POMGNT2: variants seen among roughly 807,000 people sequenced by gnomAD.
POMGNT2 encodes the protein protein O-linked-mannose beta-1,4-N-acetylglucosaminyltransferase 2.
In POMGNT2, 32 loss-of-function variants were observed where a neutral mutation model predicts 37.8. The ratio of observed to expected loss-of-function variants is 0.85; its 90% confidence interval spans 0.64 to 1.14. The LOEUF (loss-of-function observed/expected upper bound fraction) is 1.14, where lower values mean the gene tolerates loss of function less well. POMGNT2 is among the 50% of genes most tolerant of loss of function. POMGNT2 has a pLI of 0.00. For synonymous variants in POMGNT2, 340 were observed against 336.8 expected, an observed-to-expected ratio of 1.01 and a Z score of -0.10; for missense variants, 705 against 780.6, an observed-to-expected ratio of 0.90 and a Z score of 1.15.
intron 1 of POMGNT2, among the ~76,000 whole-genome samples, chr3:43,088,494 C>T (rs962936681): frequency 2.0e-5 from 3 of 152,180 alleles, no homozygotes; most frequent in African/African-American, 4.8e-5. Context: ...AACAACATCC[C>T]TAGTGTGCCC....
chr3:43,090,919 G>C (rs973879645), intron 1 of POMGNT2, among the ~76,000 whole-genome samples: 7 of 152,204 alleles, frequency 4.6e-5, no homozygotes, highest in African/African-American at 1.2e-4. Flanking sequence ...ACTGGCAGTT[G>C]TAAGAGGAAC....
At chr3:43,084,557 A>G (rs2089880718) in intron 1 of POMGNT2, among the ~76,000 whole-genome samples, 1 of 151,990 alleles carries the variant, frequency 6.6e-6, no homozygotes, top group Admixed American at 6.6e-5. Context: ...AGGCAGGAGA[A>G]TGGCATGAAC....
At chr3:43,088,709 T>C (rs535994) in intron 1 of POMGNT2, among the ~76,000 whole-genome samples, 148,054 of 152,312 alleles carry the variant, frequency 0.97, 72,092 homozygotes, top group Middle Eastern at 1. Context: ...GGTGTTGTCC[T>C]AAGGCTGCTG....
chr3:43,096,301 A>G (rs1331039250), intron 1 of POMGNT2, among the ~76,000 whole-genome samples: 1 of 152,132 alleles, frequency 6.6e-6, no homozygotes, highest in East Asian at 1.9e-4. Flanking sequence ...AACAACTATT[A>G]AATATGAACC....
rs775875035 is a variant in POMGNT2 at position 43,081,015 on chromosome 3, G to A, written c.417C>T (p.Ala139=). ...ACACCGGCTTGGGCATGAAGCGCAG[G>A]GCAGCAGCAGGCAGCTCCACGAAGT... ...YFNFVELPAA[A]LRFMPKPVFV... is the part of the protein sequence containing the mutation. Residue 139 remains alanine (A), a synonymous_variant, in exon 2 of 2, where the codon GCC becomes GCT. Coordinates refer to ENST00000344697, the MANE Select transcript of POMGNT2 (RefSeq NM_032806.6). 8.1e-6 allele frequency: 13 copies of A among 1,614,204 alleles called. No homozygotes were observed. In the South Asian group the frequency reaches 1.4e-4, roughly 18 times the overall value.
rs753788499 is a variant in POMGNT2 at position 43,080,394 on chromosome 3, C to A, written c.1038G>T (p.Gly346=). Residue 346 remains glycine (G), a synonymous_variant, in exon 2 of 2, where the codon GGG becomes GGT. Transcript: ENST00000344697. The stretch of plus-strand genomic sequence containing the variant: ...GGAAGAGGGTGGTGACCAGCTGGGC[C>A]CCATGCATGCTGACCAGCATGGAGG... ...SNASMLVSMH[G]AQLVTTLFLP... The A allele has an allele frequency of 1.9e-6, 3 of 1,613,942 alleles. No homozygotes were observed. In the African/African-American group the frequency reaches 4.0e-5, roughly 22 times the overall value.
At chr3:43,086,643 C>T (rs532900077) in intron 1 of POMGNT2, among the ~76,000 whole-genome samples, 2 of 152,316 alleles carry the variant, frequency 1.3e-5, no homozygotes, top group Admixed American at 1.3e-4. Context: ...TGCTCTGTGA[C>T]ACTGGACATG....
intron 1 of POMGNT2, among the ~76,000 whole-genome samples, chr3:43,082,564 C>T (rs774016202): frequency 9.9e-5 from 15 of 152,168 alleles, no homozygotes; most frequent in South Asian, 4.1e-4. Flanking sequence ...CCTCTTCTTG[C>T]GATATTGTGA....
At position 43,080,922 on chromosome 3, in the gene POMGNT2, G is replaced by A. The variant is rs148958732; in HGVS notation, c.510C>T (p.Asp170=). The A allele has an allele frequency of 9.5e-5, 154 of 1,613,994 alleles. No homozygotes were observed. Among genetic ancestry groups the A allele is most frequent in the Non-Finnish European group, 1.2e-4 (147 of 1,180,014 alleles). ...NPDNLMHVFH[D]DLLPLFYTLR... ...GGGTGTAGAAGAGTGGCAGCAGGTCGTCATGAAAGACGTGCATGAGGTTGT... is the reference window on the plus strand; with the variant it reads ...GGGTGTAGAAGAGTGGCAGCAGGTCATCATGAAAGACGTGCATGAGGTTGT... Residue 170 remains aspartate (D), a synonymous_variant, in exon 2 of 2, where the codon GAC becomes GAT. Transcript: ENST00000344697.
At chr3:43,099,106 A>C (rs1184651592) in intron 1 of POMGNT2, among the ~76,000 whole-genome samples, 1 of 152,098 alleles carries the variant, frequency 6.6e-6, no homozygotes, top group Non-Finnish European at 1.5e-5. Context: ...ACACGCCTAC[A>C]CCAGGTTTTC....
At chr3:43,096,622 G>A (rs2089981586) in intron 1 of POMGNT2, among the ~76,000 whole-genome samples, 1 of 152,144 alleles carries the variant, frequency 6.6e-6, no homozygotes, top group African/African-American at 2.4e-5. Context: ...GGGCCACACA[G>A]ACCAGGGTAC....
chr3:43,100,293 A>G (rs1253206078), intron 1 of POMGNT2, among the ~76,000 whole-genome samples: 1 of 152,242 alleles, frequency 6.6e-6, no homozygotes, highest in Non-Finnish European at 1.5e-5. Context: ...ACAATATAGT[A>G]TAACAACTAT....
chr3:43,103,704 A>G (rs1433018348), intron 1 of POMGNT2, among the ~76,000 whole-genome samples: 7 of 152,210 alleles, frequency 4.6e-5, no homozygotes, highest in Admixed American at 2.0e-4. Context: ...TCAAGAATGC[A>G]AGAACAGCAA....
intron 1 of POMGNT2, among the ~76,000 whole-genome samples, chr3:43,086,199 T>G (rs2089896845): frequency 6.6e-6 from 1 of 152,238 alleles, no homozygotes; most frequent in South Asian, 2.1e-4. Context: ...AAGCAGGCCA[T>G]GAATCACATT....
chr3:43,079,997 C>T lies in POMGNT2; in HGVS notation c.1435G>A (p.Gly479Ser), dbSNP rs2089832546. 7 of 1,613,934 alleles carry T rather than the reference C, an allele frequency of 4.3e-6. No individual in the cohort carries two copies. The highest frequency in any genetic ancestry group is 5.1e-6 in the Non-Finnish European group (6 of 1,180,036). ...TCCCGCACCTTGCCTGGATATAGGC[C>T]GACTGTCCACTTCTGCTTCCGTGGT... The part of the protein sequence containing the change: ...PGPRKQKWTV[G>S]LYPGKVREAR... Residue 479 changes from glycine (G) to serine (S), a missense_variant, in exon 2 of 2, where the codon GGC becomes AGC. By Grantham distance (56) the Gly-to-Ser change is moderately conservative. Coordinates refer to ENST00000344697, the MANE Select transcript of POMGNT2 (RefSeq NM_032806.6).
At position 43,080,580 on chromosome 3, in the gene POMGNT2, T is replaced by C. The variant is rs1553618336; in HGVS notation, c.852A>G (p.Leu284=). 1.2e-5 allele frequency: 20 copies of C among 1,614,108 alleles called. No homozygotes were observed. The highest frequency in any genetic ancestry group is 3.3e-4 in the Middle Eastern group (2 of 6,084). Residue 284 remains leucine (L), a synonymous_variant, in exon 2 of 2, where the codon CTA becomes CTG. Coordinates refer to ENST00000344697, the MANE Select transcript of POMGNT2 (RefSeq NM_032806.6). ...TAAAGACCAGAATGTACTCCTCGCCTAGGGGGACTCCTGTGTGGCTCACGT... is the reference window on the plus strand; with the variant it reads ...TAAAGACCAGAATGTACTCCTCGCCCAGGGGGACTCCTGTGTGGCTCACGT... The part of the protein sequence containing the change: ...KLNVSHTGVP[L]GEEYILVFSR...
chr3:43,095,087 G>T (rs2089970456), intron 1 of POMGNT2, among the ~76,000 whole-genome samples: 1 of 151,718 alleles, frequency 6.6e-6, no homozygotes, highest in African/African-American at 2.4e-5. Context: ...GGTGCAATTT[G>T]TCTCCATTTT....
chr3:43,084,780 C>A (rs910832039), intron 1 of POMGNT2, among the ~76,000 whole-genome samples: 2 of 152,086 alleles, frequency 1.3e-5, no homozygotes, highest in Non-Finnish European at 2.9e-5. Flanking sequence ...CTGATTCTTT[C>A]CTGTGTCCTT....
At chr3:43,097,119 G>T (rs1246348619) in intron 1 of POMGNT2, among the ~76,000 whole-genome samples, 1 of 152,146 alleles carries the variant, frequency 6.6e-6, no homozygotes, top group Admixed American at 6.5e-5. Context: ...CCCCAGACAC[G>T]GGCACAGAAA....
Sources: gnomAD v4.1 joint callset for allele counts (sites outside exome capture counted in the v4.1 genomes callset) on GRCh38, gnomAD v4.1.1 for gene constraint, MANE v1.5 for transcripts, NCBI Gene and HGNC (gene_info 2026-07-23, HGNC 2026-07-21) for gene names.